Variants in ABCA12 observed in about 807,000 individuals in gnomAD.
The protein encoded by ABCA12 is glucosylceramide transporter ABCA12.
Under a neutral mutation model 293.5 loss-of-function variants are expected in ABCA12, and 156 were observed. The ratio of observed to expected loss-of-function variants is 0.53; its 90% CI spans 0.47 to 0.61. ABCA12 has a LOEUF of 0.61. ABCA12 is among the 20% of genes least tolerant of loss of function. ABCA12 has a pLI of 0.00. For missense variants in ABCA12, 2,797 were observed against 3,090.2 expected (o/e 0.91, Z 2.25); for synonymous variants, 1,063 against 1,108.0 (o/e 0.96, Z 0.81).
At chr2:214,947,159 C>T (rs1281476977) in intron 48 of ABCA12, among the ~76,000 whole-genome samples, 4 of 152,174 alleles carry the variant, frequency 2.6e-5, no homozygotes, top group Non-Finnish European at 5.9e-5. Context: ...TTCCCATTTC[C>T]ATGCCAGTGT....
At chr2:215,123,998 A>G (rs1455353125) in intron 1 of ABCA12, among the ~76,000 whole-genome samples, 1 of 152,158 alleles carries the variant, frequency 6.6e-6, no homozygotes, top group Non-Finnish European at 1.5e-5. Context: ...TAGCTCCCAC[A>G]TATTAGTGAG....
intron 51 of ABCA12, among the ~76,000 whole-genome samples, chr2:214,936,938 G>GAAA (rs10656386): frequency 0.022 from 3,266 of 147,728 alleles, 109 homozygotes; most frequent in African/African-American, 0.069. Flanking sequence ...CCTTTGTGAG[G>GAAA]AAAAAAAAAA....
chr2:214,979,183 C>CT (rs1699593519), intron 31 of ABCA12, 143 bp from the exon 32 acceptor site: 1 of 754,030 alleles, frequency 1.3e-6, no homozygotes, highest in African/African-American at 1.7e-5. Flanking sequence ...CTAGAGACCC[C>CT]TTTGCCACTT....
chr2:214,944,373 C>T (rs1202425964), intron 49 of ABCA12, among the ~76,000 whole-genome samples: 1 of 151,664 alleles, frequency 6.6e-6, no homozygotes, highest in Non-Finnish European at 1.5e-5. Context: ...TGTTGTGCCA[C>T]TGTACTCCAG....
Position 215,037,058 on chromosome 2 carries a change from G to C in ABCA12, c.880C>G (p.Leu294Val), listed in dbSNP as rs757610542. The change falls in exon 8 of 53, where the codon CTG becomes GTG. Residue 294 changes from leucine (L) to valine (V), a missense_variant. By Grantham distance (32) the Leu-to-Val change is conservative. Transcript: ENST00000272895. ...CGTGGATAAACCTTCTGCACAACCA[G>C]CAGCACACTAAGGAGTCAAAAAGCA... ...DVLRKANSVLLVVQKVYPRFA... is the reference protein window; with the variant it reads ...DVLRKANSVLVVVQKVYPRFA... 140 of 1,613,558 alleles carry C rather than the reference G, an allele frequency of 8.7e-5. No homozygotes were observed. The highest frequency in any genetic ancestry group is 1.2e-4 in the Non-Finnish European group (137 of 1,179,670).
At chr2:215,054,762 T>C (rs1241587151) in intron 3 of ABCA12, 98 bp from the exon 4 acceptor site, 3 of 902,240 alleles carry the variant, frequency 3.3e-6, no homozygotes, top group Non-Finnish European at 5.5e-6. Context: ...CTGAGGACTT[T>C]CAAATATTTA....
chr2:214,975,722 G>C (rs1179890333), intron 34 of ABCA12, 63 bp downstream of exon 34: 2 of 1,603,152 alleles, frequency 1.2e-6, no homozygotes, highest in East Asian at 4.5e-5. Flanking sequence ...CCTTCATTCA[G>C]GTACAACCAC....
rs190186455 is a variant in ABCA12, at chr2:215,086,589, C to G, written c.164-22370G>C. On this transcript the variant is annotated intron_variant, in intron 2 of 52. Transcript: ENST00000272895. Reference sequence around the variant, plus strand: ...ATCAGCAAACCCAGGCTCCTAATACCATCCTGAGCCTAGAAGTTCCATTCA... The same window carrying G: ...ATCAGCAAACCCAGGCTCCTAATACGATCCTGAGCCTAGAAGTTCCATTCA... Among the ~76,000 whole-genome samples, 5 of 152,264 alleles carry G rather than the reference C, an allele frequency of 3.3e-5. No individual in the cohort carries two copies. In the East Asian group the frequency reaches 5.8e-4, roughly 18 times the overall value.
chr2:215,119,932 C>A (rs1210859418), intron 1 of ABCA12, among the ~76,000 whole-genome samples: 2 of 151,888 alleles, frequency 1.3e-5, no homozygotes, highest in Non-Finnish European at 2.9e-5. Flanking sequence ...GGGCGTATAA[C>A]CAGAGGAAAA....
rs111356158 is a variant in ABCA12, at chr2:214,978,317, A to G, written c.5127T>C (p.Asp1709=). 387 of 1,613,880 alleles carry G rather than the reference A, an allele frequency of 2.4e-4. 1 individual carries two copies. Among genetic ancestry groups the G allele is most frequent in the South Asian group, 4.0e-4 (36 of 91,082 alleles). The change falls in exon 33 of 53, where the codon GAT becomes GAC. Residue 1709 remains aspartate, a splice_region_variant and synonymous_variant. Coordinates refer to ENST00000272895, the MANE Select transcript of ABCA12 (RefSeq NM_173076.3). ...SVSSSNFTDR[D]DKILTRGERL... ...AAAATATCCACATTAGATTCATACCATCTCTGTCTGTGAAATTGCTGCTGC... is the reference window on the plus strand; with the variant it reads ...AAAATATCCACATTAGATTCATACCGTCTCTGTCTGTGAAATTGCTGCTGC...
intron 7 of ABCA12, among the ~76,000 whole-genome samples, chr2:215,043,776 C>T (rs537456160): frequency 4.6e-5 from 7 of 152,072 alleles, no homozygotes; most frequent in African/African-American, 1.4e-4. Flanking sequence ...ACCACCATGC[C>T]AATTAAGATA....
chr2:214,948,928 TC>T lies in ABCA12; in HGVS notation c.6962+111del, dbSNP rs1698665324. The T allele has an allele frequency of 7.8e-5, 90 of 1,155,048 alleles. No individual in the cohort carries two copies. The South Asian group carries it at 1.1e-3, about 14-fold the overall frequency. 71.5% of individuals were successfully genotyped at this position (1,155,048 alleles called of 1,614,324 possible). A position where few individuals can be genotyped will look rare whatever the true frequency, so the allele number is the denominator to read the frequency against. On this transcript the variant is annotated intron_variant, in intron 46 of 52. Coordinates refer to ENST00000272895, the MANE Select transcript of ABCA12 (RefSeq NM_173076.3). ...TCCACCCACCTTAATAGCTTTGTTC[TC>T]CCCTAAGGACTGAATAATATAACCA...
At position 214,982,214 on chromosome 2, in the gene ABCA12, A is replaced by G. The variant is rs1699683235; in HGVS notation, c.4552T>C (p.Trp1518Arg). The change falls in exon 30 of 53, where the codon TGG (tryptophan) becomes CGG (arginine). Residue 1518 changes from tryptophan to arginine, a missense_variant. Trp to Arg is a moderately radical substitution (Grantham distance 101). Around this residue, in one of 3 missense-constraint regions of ABCA12, gnomAD observed 2,130 missense variants for 2,427.0 expected, o/e 0.88. Coordinates refer to ENST00000272895, the MANE Select transcript of ABCA12 (RefSeq NM_173076.3). ...GVDPCSRRSI[W>R]DVISKNKTAR... ...GTTTTGTTCTTGGATATAACATCCC[A>G]TATACTTCGGCGAGAACATGGGTCA... The G allele has an allele frequency of 1.9e-6, 3 of 1,614,014 alleles. No individual in the cohort carries two copies. The highest frequency in any genetic ancestry group is 1.7e-6 in the Non-Finnish European group (2 of 1,179,966).
chr2:215,033,135 T>C lies in ABCA12; in HGVS notation c.986-1239A>G, dbSNP rs150356381. Among the ~76,000 whole-genome samples, 285 of 152,330 alleles carry C rather than the reference T, an allele frequency of 1.9e-3. 1 individual carries two copies. The highest frequency in any genetic ancestry group is 2.9e-3 in the Non-Finnish European group (198 of 68,026). ...CTCTGTTCACGATGCAGCTGAATAT[T>C]ATTGCTCTAATAACAGTAATGCATC... On this transcript the variant is annotated intron_variant, in intron 8 of 52. Coordinates refer to ENST00000272895, the MANE Select transcript of ABCA12 (RefSeq NM_173076.3).
chr2:215,092,519 A>G (rs1467308718), intron 2 of ABCA12, among the ~76,000 whole-genome samples: 4 of 151,934 alleles, frequency 2.6e-5, no homozygotes, highest in Non-Finnish European at 5.9e-5. Context: ...AACCAATCAC[A>G]CGCCCATTAC....
chr2:215,048,924 T>A (rs2106052939), intron 6 of ABCA12, among the ~76,000 whole-genome samples: 1 of 152,268 alleles, frequency 6.6e-6, no homozygotes, highest in South Asian at 2.1e-4. Flanking sequence ...ATACTGCATT[T>A]TCTCACTTAT....
intron 2 of ABCA12, among the ~76,000 whole-genome samples, chr2:215,110,241 TG>T (rs1236519337): frequency 2.0e-5 from 3 of 152,200 alleles, no homozygotes; most frequent in African/African-American, 7.2e-5. Context: ...CTGGGCGCGG[TG>T]GCTCACGCCT....
At chr2:214,954,356 A>G (rs900761994) in intron 43 of ABCA12, among the ~76,000 whole-genome samples, 2 of 152,154 alleles carry the variant, frequency 1.3e-5, no homozygotes, top group Non-Finnish European at 2.9e-5. Flanking sequence ...TCCTGGAGGC[A>G]AAATTATTTC....
At chr2:215,097,946 G>C (rs1231679856) in intron 2 of ABCA12, among the ~76,000 whole-genome samples, 2 of 152,038 alleles carry the variant, frequency 1.3e-5, no homozygotes, top group Non-Finnish European at 2.9e-5. Context: ...GCATAACAAA[G>C]TTCTATAATT....
Sources: allele counts gnomAD v4.1 joint callset (sites outside exome capture counted in the v4.1 genomes callset), GRCh38; gene constraint gnomAD v4.1.1; regional missense constraint gnomAD v4.1.1; transcripts MANE v1.5; gene names NCBI Gene and HGNC (gene_info 2026-07-23, HGNC 2026-07-21).